PTPRT: variants seen among roughly 807,000 people sequenced by gnomAD.
The protein encoded by PTPRT is receptor-type tyrosine-protein phosphatase T.
Under a neutral mutation model 176.8 loss-of-function variants are expected in PTPRT, and 56 were observed. That is an observed-to-expected ratio of 0.32 (90% CI 0.26 to 0.40). The LOEUF is 0.40. Ranked by LOEUF, PTPRT falls within the 10% of genes least tolerant of loss-of-function variation. The pLI is 1.00. For synonymous variants in PTPRT, 783 were observed against 739.0 expected (o/e 1.06, Z -0.96); for missense variants, 1,540 against 1,908.2 (o/e 0.81, Z 3.60).
At chr20:43,003,685 T>C (rs1238616713) in intron 1 of PTPRT, among the ~76,000 whole-genome samples, 3 of 152,202 alleles carry the variant, frequency 2.0e-5, no homozygotes, top group Admixed American at 2.0e-4. Context: ...TTCCTGATGG[T>C]TCAGGTTACT....
At chr20:42,672,382 C>T (rs2075428635) in intron 7 of PTPRT, among the ~76,000 whole-genome samples, 1 of 152,214 alleles carries the variant, frequency 6.6e-6, no homozygotes, top group African/African-American at 2.4e-5. Flanking sequence ...GGACTGGCTT[C>T]CTTTCTCCAC....
chr20:43,108,930 T>C (rs1018584501), intron 1 of PTPRT, among the ~76,000 whole-genome samples: 2 of 152,124 alleles, frequency 1.3e-5, no homozygotes, highest in Non-Finnish European at 2.9e-5. Flanking sequence ...AAGAAATGCA[T>C]TCACCCAATG....
chr20:42,341,123 T>G (rs1015226949), intron 11 of PTPRT, among the ~76,000 whole-genome samples: 1 of 152,136 alleles, frequency 6.6e-6, no homozygotes, highest in Non-Finnish European at 1.5e-5. Flanking sequence ...TACTGACACC[T>G]TATATTTGAT....
intron 3 of PTPRT, among the ~76,000 whole-genome samples, chr20:42,783,107 G>C (rs896850240): frequency 1.3e-5 from 2 of 152,204 alleles, no homozygotes; most frequent in African/African-American, 4.8e-5. Context: ...TAAATCCCTC[G>C]AAGAAGAAAT....
At chr20:42,809,812 C>A (rs2077669533) in intron 2 of PTPRT, among the ~76,000 whole-genome samples, 1 of 152,132 alleles carries the variant, frequency 6.6e-6, no homozygotes, top group East Asian at 1.9e-4. Context: ...AGGATAACCT[C>A]CTCTTGAGAT....
rs2046268232 is a variant in PTPRT, at chr20:42,352,234, G to C, written c.1612C>G (p.Gln538Glu). 2 of 1,614,044 alleles carry C rather than the reference G, an allele frequency of 1.2e-6. No homozygotes were observed. Among genetic ancestry groups the C allele is most frequent in the Admixed American group, 1.7e-5 (1 of 60,010 alleles). The stretch of plus-strand genomic sequence containing the variant: ...CGGAGCTTGAACACTTTCCCCCTCT[G>C]GCTCGAGAGGTCAGCACTTGGGTCC... ...SLDPSADLSS[Q>E]RGKVFKLRNE... is the part of the protein sequence containing the mutation. Residue 538 changes from glutamine to glutamate, a missense_variant, in exon 10 of 31, where the codon CAG (glutamine) becomes GAG (glutamate). Physicochemically the swap from Gln to Glu is conservative, Grantham distance 29 (BLOSUM62 2). Coordinates refer to ENST00000373187, the MANE Select transcript of PTPRT (RefSeq NM_007050.6).
At position 42,472,415 on chromosome 20, in the gene PTPRT, T is replaced by G. The variant is rs2071214034; in HGVS notation, c.1301A>C (p.Gln434Pro). ...CTGGATGACCTCCTCGGCCTCGTAC[T>G]GCTGCTGGTTGAACACATACTGGTA... ...VQYQYVFNQQ[Q>P]YEAEEVIQTS... is the part of the protein sequence containing the mutation. The change falls in exon 8 of 31, where the codon CAG becomes CCG. Residue 434 changes from glutamine to proline, a missense_variant. By Grantham distance (76) the Gln-to-Pro change is moderately conservative (BLOSUM62 -1). This residue lies in a region of PTPRT where 79 missense variants were observed against 80.0 expected (regional missense o/e 0.99). Transcript: ENST00000373187. The G allele has an allele frequency of 6.2e-7, 1 of 1,614,254 alleles. No individual in the cohort carries two copies. Among genetic ancestry groups the G allele is most frequent in the African/African-American group, 1.3e-5 (1 of 75,076 alleles).
rs1490111663 is a variant in PTPRT at position 42,756,541 on chromosome 20, C to T, written c.780G>A (p.Arg260=). The change falls in exon 6 of 31, where the codon CGG becomes CGA. Residue 260 remains arginine (R), a synonymous_variant. Transcript: ENST00000373187. ...ATVSVADTAQ[R]SVSKYRCVIR... ...TCACACAGCGGTACTTGCTGACGCT[C>T]CGCTGGGCAGTGTCTGCCACACTGA... 4.3e-6 allele frequency: 7 copies of T among 1,612,910 alleles called. No homozygotes were observed. The highest frequency in any genetic ancestry group is 5.1e-6 in the Non-Finnish European group (6 of 1,179,244).
At chr20:42,895,261 T>C (rs1397641196) in intron 1 of PTPRT, among the ~76,000 whole-genome samples, 1 of 152,136 alleles carries the variant, frequency 6.6e-6, no homozygotes, top group Non-Finnish European at 1.5e-5. Flanking sequence ...AGGGCTTGCT[T>C]CCTGGCTGGC....
intron 2 of PTPRT, among the ~76,000 whole-genome samples, chr20:42,841,651 A>G (rs975028730): frequency 4.1e-5 from 5 of 123,388 alleles, no homozygotes; most frequent in African/African-American, 1.5e-4. Flanking sequence ...ACACACACAC[A>G]CACACACATA....
At chr20:42,100,728 A>G (rs369788138) in intron 26 of PTPRT, among the ~76,000 whole-genome samples, 3 of 152,198 alleles carry the variant, frequency 2.0e-5, no homozygotes, top group Admixed American at 6.5e-5. Flanking sequence ...CATAATGCAC[A>G]CCTACATGCA....
intron 7 of PTPRT, among the ~76,000 whole-genome samples, chr20:42,485,143 G>A (rs532965693): frequency 2.0e-5 from 3 of 152,182 alleles, no homozygotes; most frequent in Non-Finnish European, 4.4e-5. Context: ...AGAGGAAATC[G>A]GGTTGGGAAA....
intron 11 of PTPRT, among the ~76,000 whole-genome samples, chr20:42,345,618 G>GTGTGTA (rs1491310287): frequency 8.2e-4 from 87 of 105,690 alleles, no homozygotes; most frequent in African/African-American, 3.0e-3. Context: ...GTGTGTGTGT[G>GTGTGTA]TATATATATG....
intron 9 of PTPRT, among the ~76,000 whole-genome samples, chr20:42,385,056 G>C (rs762547111): frequency 1.3e-5 from 2 of 152,124 alleles, no homozygotes; most frequent in Non-Finnish European, 2.9e-5. Flanking sequence ...TATGCTGCTT[G>C]TTGCCTTTGC....
Position 42,948,906 on chromosome 20 carries a change from C to A in PTPRT, c.89-62974G>T, listed in dbSNP as rs374850758. 4.6e-5 allele frequency among the ~76,000 whole-genome samples: 7 copies of A among 152,158 alleles called. No individual in the cohort carries two copies. The East Asian group carries it at 7.7e-4, about 17-fold the overall frequency. ...CAATTGTCCATGGACATTTTTATGA[C>A]CTCTGCCAAATGGACAGGCTGCTGG... On this transcript the variant is annotated intron_variant, in intron 1 of 30. Transcript: ENST00000373187.
At chr20:43,042,822 C>T (rs548970011) in intron 1 of PTPRT, among the ~76,000 whole-genome samples, 14 of 151,636 alleles carry the variant, frequency 9.2e-5, no homozygotes, top group Non-Finnish European at 1.8e-4. Context: ...ATGGTTTATG[C>T]CACTCTCTCC....
At chr20:42,370,937 C>T (rs1568820208) in intron 9 of PTPRT, among the ~76,000 whole-genome samples, 3 of 152,178 alleles carry the variant, frequency 2.0e-5, no homozygotes, top group South Asian at 4.1e-4. Flanking sequence ...TCTGGCCATG[C>T]TGTTCCCTCA....
At chr20:42,907,495 G>A (rs556424396) in intron 1 of PTPRT, among the ~76,000 whole-genome samples, 122 of 152,196 alleles carry the variant, frequency 8.0e-4, no homozygotes, top group Admixed American at 3.3e-3. Context: ...TCATTGACTT[G>A]GAGGACGCGA....
At chr20:42,292,311 T>C (rs538637945) in intron 12 of PTPRT, among the ~76,000 whole-genome samples, 4 of 152,224 alleles carry the variant, frequency 2.6e-5, no homozygotes, top group African/African-American at 9.6e-5. Flanking sequence ...AGAATTTTTT[T>C]TTTTTTTTAA....
Sources: gnomAD v4.1 joint callset for allele counts (sites outside exome capture counted in the v4.1 genomes callset) on GRCh38, gnomAD v4.1.1 for gene constraint, gnomAD v4.1.1 regional missense constraint, MANE v1.5 for transcripts, NCBI Gene and HGNC (gene_info 2026-07-23, HGNC 2026-07-21) for gene names.